Variants in CHD7 observed in about 807,000 individuals in gnomAD.
CHD7 encodes the protein ATP-dependent chromatin remodeler CHD7.
CHD7 carries 24 observed loss-of-function variants against 307.3 expected under a neutral mutation model. The ratio of observed to expected loss-of-function variants is 0.08; its 90% CI spans 0.06 to 0.11. CHD7 has a LOEUF of 0.11. Ranked by LOEUF, CHD7 falls within the 10% of genes least tolerant of loss-of-function variation. The pLI, the probability that CHD7 is intolerant of heterozygous loss-of-function variation, is 1.00. For missense variants in CHD7, 3,106 were observed against 3,727.1 expected, an observed-to-expected ratio of 0.83 and a Z score of 4.34; for synonymous variants, 1,363 against 1,349.9, an observed-to-expected ratio of 1.01 and a Z score of -0.21.
chr8:60,828,029 A>G (rs965497201), intron 13 of CHD7, among the ~76,000 whole-genome samples: 1 of 152,146 alleles, frequency 6.6e-6, no homozygotes, highest in Non-Finnish European at 1.5e-5. Flanking sequence ...GCATGAGGAA[A>G]GCTGGGGAAA....
chr8:60,700,498 T>C (rs1285099183), intron 1 of CHD7, among the ~76,000 whole-genome samples: 1 of 152,158 alleles, frequency 6.6e-6, no homozygotes, highest in African/African-American at 2.4e-5. Context: ...CCACGGAAGA[T>C]TACTACATTT....
chr8:60,856,798 G>T lies in CHD7; in HGVS notation c.7518G>T (p.Glu2506Asp). The change falls in exon 34 of 38, where the codon GAG (glutamate) becomes GAT (aspartate). Residue 2506 changes from glutamate to aspartate, a missense_variant. By Grantham distance (45) the Glu-to-Asp change is conservative. This residue lies in a region of CHD7 where 1,030 missense variants were observed against 1,165.4 expected (regional missense o/e 0.88). Transcript: ENST00000423902. Reference protein sequence around the residue: ...HLLNGSLVDGEPPMKRRRGRR... With the variant: ...HLLNGSLVDGDPPMKRRRGRR... ...TTAATGGCTCCCTAGTGGATGGAGA[G>T]CCTCCCATGAAGAGGAGGCGGGGAA... is the stretch of plus-strand genomic sequence containing the variant. 6.2e-7 allele frequency: 1 copy of T among 1,609,488 alleles called. No individual in the cohort carries two copies. The highest frequency in any genetic ancestry group is 8.5e-7 in the Non-Finnish European group (1 of 1,177,210).
rs200442320 is a variant in CHD7, at chr8:60,853,259, T to C, written c.6534T>C (p.Pro2178=). Residue 2178 remains proline (P), a synonymous_variant, in exon 31 of 38, where the codon CCT becomes CCC. Coordinates refer to ENST00000423902, the MANE Select transcript of CHD7 (RefSeq NM_017780.4). ...AAGCCGAAGGCAAAGTGGAGGAGCC[T>C]GAAAACCCAGCTGCCAAGGAGAAAT... ...LEQAEGKVEE[P]ENPAAKEKCE... 6.2e-7 allele frequency: 1 copy of C among 1,612,698 alleles called. No homozygotes were observed. Among genetic ancestry groups the C allele is most frequent in the South Asian group, 1.1e-5 (1 of 91,006 alleles).
rs1806277738 is a variant in CHD7 at position 60,867,482 on chromosome 8, G to T, written c.*1549G>T. ...TTTGTGGACCCCTTTTTGACCTTTG[G>T]TATTTAAAGTAAAATATAATTTGAG... On this transcript the variant is annotated 3_prime_UTR_variant, in exon 38 of 38. Coordinates refer to ENST00000423902, the MANE Select transcript of CHD7 (RefSeq NM_017780.4). 1 of 152,298 alleles carries T rather than the reference G, an allele frequency of 6.6e-6. No individual in the cohort carries two copies. Among genetic ancestry groups the T allele is most frequent in the South Asian group, 2.1e-4 (1 of 4,828 alleles). The allele number at this position is 152,298 out of a possible 1,614,324, so 9.4% of individuals were successfully genotyped here. A position where few individuals can be genotyped will look rare whatever the true frequency, so the allele number is the denominator to read the frequency against.
intron 9 of CHD7, among the ~76,000 whole-genome samples, chr8:60,820,602 T>A (rs1803980716): frequency 6.6e-6 from 1 of 152,204 alleles, no homozygotes; most frequent in Admixed American, 6.5e-5. Context: ...TTATAAGGGA[T>A]ATTTGATAGG....
chr8:60,710,458 A>G (rs1035880162), intron 1 of CHD7, among the ~76,000 whole-genome samples: 8 of 152,112 alleles, frequency 5.3e-5, no homozygotes, highest in African/African-American at 1.9e-4. Context: ...TCACTGTACC[A>G]TCTGTATCAA....
At chr8:60,806,773 C>T (rs77209306) in intron 6 of CHD7, among the ~76,000 whole-genome samples, 2 of 152,042 alleles carry the variant, frequency 1.3e-5, no homozygotes, top group Non-Finnish European at 2.9e-5. Flanking sequence ...GAGGCTGAGA[C>T]GGGGGGATTG....
chr8:60,759,381 A>G (rs1160038845), intron 2 of CHD7, among the ~76,000 whole-genome samples: 1 of 139,266 alleles, frequency 7.2e-6, no homozygotes, highest in Non-Finnish European at 1.6e-5. Context: ...CTCCCTCTCC[A>G]TCTCCCTCTC....
intron 2 of CHD7, among the ~76,000 whole-genome samples, chr8:60,771,773 G>A (rs1256563315): frequency 6.8e-6 from 1 of 146,130 alleles, no homozygotes; most frequent in Non-Finnish European, 1.5e-5. Context: ...TTCAGTAATT[G>A]CTGGCTGTTG....
rs1806268902 is a variant in CHD7, at chr8:60,867,207, G to A, written c.*1274G>A. 3 of 152,154 alleles carry A rather than the reference G, an allele frequency of 2.0e-5. No individual in the cohort carries two copies. Among genetic ancestry groups the A allele is most frequent in the Admixed American group, 1.3e-4 (2 of 15,288 alleles). The allele number at this position is 152,154 out of a possible 1,614,324, so 9.4% of individuals were successfully genotyped here. ...AGAAATGTGTGCAGCGTGTGATAATGTGGTACACTGAAGAACAAAAGGGCA... is the reference window on the plus strand; with the variant it reads ...AGAAATGTGTGCAGCGTGTGATAATATGGTACACTGAAGAACAAAAGGGCA... On this transcript the variant is annotated 3_prime_UTR_variant, in exon 38 of 38. Transcript: ENST00000423902.
At chr8:60,794,140 CTG>C (rs1195507821) in intron 3 of CHD7, among the ~76,000 whole-genome samples, 1 of 151,740 alleles carries the variant, frequency 6.6e-6, no homozygotes. Flanking sequence ...AAAAAAAAAA[CTG>C]GAGCTGATTT....
rs367816570 is a variant in CHD7, at chr8:60,828,627, A to G, written c.3379-36A>G. The G allele has an allele frequency of 2.1e-4, 329 of 1,569,336 alleles. No individual in the cohort carries two copies. The Middle Eastern group carries it at 2.7e-3, about 13-fold the overall frequency. On this transcript the variant is annotated intron_variant, in intron 13 of 37. Coordinates refer to ENST00000423902, the MANE Select transcript of CHD7 (RefSeq NM_017780.4). ...CTGGTTTTAAGAAAGTGTTTTTGTT[A>G]CAATTTGGTTAGTGGCTTTCCTTGT...
chr8:60,860,978 A>G lies in CHD7; in HGVS notation c.7683A>G (p.Gly2561=), dbSNP rs759842544. Residue 2561 remains glycine (G), a synonymous_variant, in exon 35 of 38, where the codon GGA becomes GGG. Transcript: ENST00000423902. ...CAACAAGAAACATTCCTTCTCCCGG[A>G]CAGCTGGACCCAGACACACGGATCC... is the stretch of plus-strand genomic sequence containing the variant. ...TPPTRNIPSP[G]QLDPDTRIPV... is the part of the protein sequence containing the mutation. 13 of 1,614,012 alleles carry G rather than the reference A, an allele frequency of 8.1e-6. No individual in the cohort carries two copies. The East Asian group carries it at 2.9e-4, about 36-fold the overall frequency.
At chr8:60,738,473 A>T (rs977564813) in intron 1 of CHD7, among the ~76,000 whole-genome samples, 1 of 152,224 alleles carries the variant, frequency 6.6e-6, no homozygotes, top group Non-Finnish European at 1.5e-5. Context: ...TATTGAGTGT[A>T]GACGAGAGGG....
intron 9 of CHD7, 133 bp from the exon 10 acceptor site, chr8:60,821,657 T>TATATATGTATAAACATATATATACACAC: frequency 1.6e-6 from 1 of 645,056 alleles, no homozygotes; most frequent in Admixed American, 3.5e-5. Flanking sequence ...TATATACACA[T>TATATATGTATAAACATATATATACACAC]ACATATATAT....
Position 60,697,911 on chromosome 8 carries a change from G to A in CHD7, c.-175+18829G>A, listed in dbSNP as rs148118283. Among the ~76,000 whole-genome samples the A allele has an allele frequency of 5.9e-5, 9 of 152,314 alleles. No homozygotes were observed. In the East Asian group the frequency reaches 1.7e-3, roughly 29 times the overall value. ...ACAGCATAGGTGGACTCATGAGTTAGGTGTTTGAACATGACCCTCCTCAGC... is the reference window on the plus strand; with the variant it reads ...ACAGCATAGGTGGACTCATGAGTTAAGTGTTTGAACATGACCCTCCTCAGC... On this transcript the variant is annotated intron_variant, in intron 1 of 37. Transcript: ENST00000423902.
Position 60,856,609 on chromosome 8 carries a change from T to C in CHD7, c.7329T>C (p.Asp2443=). The C allele has an allele frequency of 6.2e-7, 1 of 1,613,998 alleles. No homozygotes were observed. The highest frequency in any genetic ancestry group is 8.5e-7 in the Non-Finnish European group (1 of 1,179,880). ...AAAATGGACAAGAAAAAGTTGTAGA[T>C]TTATCAAAGGCCTCAAGAGAGGCAA... The part of the protein sequence containing the change: ...VSENGQEKVV[D]LSKASREATS... The change falls in exon 34 of 38, where the codon GAT becomes GAC. Residue 2443 remains aspartate, a synonymous_variant. Coordinates refer to ENST00000423902, the MANE Select transcript of CHD7 (RefSeq NM_017780.4).
intron 12 of CHD7, 26 bp downstream of exon 12, chr8:60,822,772 T>C: frequency 6.3e-7 from 1 of 1,582,060 alleles, no homozygotes; most frequent in South Asian, 1.2e-5. Context: ...TTGTATTCTT[T>C]GTACTTACTC....
At chr8:60,687,377 C>G (rs1338016064) in intron 1 of CHD7, among the ~76,000 whole-genome samples, 1 of 152,094 alleles carries the variant, frequency 6.6e-6, no homozygotes, top group East Asian at 1.9e-4. Context: ...TTAGAACTGG[C>G]ACTATATTGA....
Sources: allele counts gnomAD v4.1 joint callset (sites outside exome capture counted in the v4.1 genomes callset), GRCh38; gene constraint gnomAD v4.1.1; regional missense constraint gnomAD v4.1.1; transcripts MANE v1.5; gene names NCBI Gene and HGNC (gene_info 2026-07-23, HGNC 2026-07-21).